GAL3ST1: variants seen among roughly 807,000 people sequenced by gnomAD.
GAL3ST1 encodes the protein galactose-3-O-sulfotransferase 1.
Under a neutral mutation model 25.0 loss-of-function variants are expected in GAL3ST1, and 13 were observed. The ratio of observed to expected loss-of-function variants is 0.52; its 90% CI spans 0.34 to 0.83. The LOEUF is 0.83. Among genes scored for constraint, GAL3ST1 ranks in the 40% least tolerant of loss-of-function variants. The probability of loss-of-function intolerance (pLI) is 0.02; values close to 1 mark genes in which losing one functional copy is unlikely to be tolerated. For synonymous variants in GAL3ST1, 274 were observed against 277.8 expected, an observed-to-expected ratio of 0.99 and a Z score of 0.14; for missense variants, 474 against 613.6, an observed-to-expected ratio of 0.77 and a Z score of 2.40.
chr22:30,568,033 A>G (rs1443165300), intron 1 of GAL3ST1, among the ~76,000 whole-genome samples: 1 of 152,144 alleles, frequency 6.6e-6, no homozygotes, highest in Non-Finnish European at 1.5e-5. Context: ...GGGCACCTGC[A>G]CTCCAGGACT....
chr22:30,574,627 G>GCGCCGCGCC lies in GAL3ST1; in HGVS notation c.-290_-282dup, dbSNP rs1262724741. The GCGCCGCGCC allele has an allele frequency of 7.1e-6, 1 of 141,540 alleles. No individual in the cohort carries two copies. The highest frequency in any genetic ancestry group is 2.6e-5 in the African/African-American group (1 of 38,586). 8.8% of individuals were successfully genotyped at this position (141,540 alleles called of 1,614,324 possible). A position where few individuals can be genotyped will look rare whatever the true frequency, so the allele number is the denominator to read the frequency against. On this transcript the variant is annotated 5_prime_UTR_variant, in exon 1 of 4. Transcript: ENST00000406361. ...CCGCTGCCGCGCCGCGCCCGCTCCC[G>GCGCCGCGCC]CGCCGCGCCCGCTCCCGGCCAGGTG...
At chr22:30,569,677 GGT>G (rs1224275503) in intron 1 of GAL3ST1, among the ~76,000 whole-genome samples, 3 of 152,166 alleles carry the variant, frequency 2.0e-5, no homozygotes, top group African/African-American at 7.2e-5. Flanking sequence ...ACCAGGGAAG[GGT>G]GAGGAAGGAC....
chr22:30,555,444 G>T lies in GAL3ST1; in HGVS notation c.781C>A (p.Leu261Met), dbSNP rs765802548. 1.4e-5 allele frequency: 22 copies of T among 1,612,510 alleles called. No homozygotes were observed. Among genetic ancestry groups the T allele is most frequent in the Non-Finnish European group, 1.7e-5 (20 of 1,179,948 alleles). ...LQEYFDESLV[L>M]LKDLLCWELE... ...TCCCAGCACAGCAGGTCCTTCAGCA[G>T]CACCAGCGACTCGTCGAAGTACTCT... The change falls in exon 4 of 4, where the codon CTG becomes ATG. Residue 261 changes from leucine to methionine, a missense_variant. Coordinates refer to ENST00000406361, the MANE Select transcript of GAL3ST1 (RefSeq NM_001318104.2). The surrounding 1 kb of genome is among the most constrained non-coding windows in gnomAD (Gnocchi z 8.6).
chr22:30,555,207 G>C lies in GAL3ST1; in HGVS notation c.1018C>G (p.Arg340Gly), dbSNP rs1372848132. The C allele has an allele frequency of 2.5e-6, 4 of 1,599,336 alleles. No individual in the cohort carries two copies. The highest frequency in any genetic ancestry group is 1.1e-5 in the South Asian group (1 of 90,764). ...EVAALRHANERMRTICIDGGH... is the reference protein window; with the variant it reads ...EVAALRHANEGMRTICIDGGH... ...CCGTCGATGCAGATGGTCCGCATGC[G>C]CTCGTTGGCATGGCGCAGGGCGGCC... The change falls in exon 4 of 4, where the codon CGC becomes GGC. Residue 340 changes from arginine (R) to glycine (G), a missense_variant. Arg to Gly is a moderately radical substitution (Grantham distance 125). Coordinates refer to ENST00000406361, the MANE Select transcript of GAL3ST1 (RefSeq NM_001318104.2). This position sits in a 1 kb window ranked among gnomAD's most constrained non-coding sequence, Gnocchi z 8.6.
At position 30,554,949 on chromosome 22, in the gene GAL3ST1, G is replaced by T. The variant is rs370603459; in HGVS notation, c.*4C>A. The T allele has an allele frequency of 1.3e-6, 2 of 1,554,470 alleles. No homozygotes were observed. The highest frequency in any genetic ancestry group is 1.8e-5 in the Admixed American group (1 of 56,674). The stretch of plus-strand genomic sequence containing the variant: ...AGGCAGGCAAGCCGCTGGGCGGTGG[G>T]ACGTCACCACCGCAGGAAATCGCGA... On this transcript the variant is annotated 3_prime_UTR_variant, in exon 4 of 4. Transcript: ENST00000406361.
intron 1 of GAL3ST1, chr22:30,564,908 C>G (rs981074963): frequency 1.3e-5 from 2 of 152,266 alleles, no homozygotes; most frequent in African/African-American, 4.8e-5. Flanking sequence ...CACTGGGAGA[C>G]AGGAATGCTC....
At chr22:30,571,316 G>A (rs1792809307) in intron 1 of GAL3ST1, among the ~76,000 whole-genome samples, 1 of 152,164 alleles carries the variant, frequency 6.6e-6, no homozygotes, top group Non-Finnish European at 1.5e-5. Flanking sequence ...TCCTCAATCT[G>A]AGCCCCTCTA....
chr22:30,569,222 CTGGG>C (rs2086710366), intron 1 of GAL3ST1, among the ~76,000 whole-genome samples: 1 of 151,928 alleles, frequency 6.6e-6, no homozygotes, highest in Non-Finnish European at 1.5e-5. Context: ...CATTGGGCTA[CTGGG>C]TAAGAAATGA....
chr22:30,570,340 C>G (rs1282634371), intron 1 of GAL3ST1, among the ~76,000 whole-genome samples: 1 of 152,186 alleles, frequency 6.6e-6, no homozygotes, highest in Non-Finnish European at 1.5e-5. Flanking sequence ...TGCCTGTTCT[C>G]AGACCCAGCA....
In GAL3ST1 at chr22:30,557,263, T is replaced by A. The variant is rs776387935; in HGVS notation, c.130A>T (p.Thr44Ser). 3 of 1,613,920 alleles carry A rather than the reference T, an allele frequency of 1.9e-6. No individual in the cohort carries two copies. In the South Asian group the frequency reaches 3.3e-5, roughly 18 times the overall value. ...VPPLHAGLASTTPEAAASCSP... is the reference protein window; with the variant it reads ...VPPLHAGLASSTPEAAASCSP... ...CATCTGCCCAGCTGGGCCACTCACG[T>A]GGAGGCCAGGCCGGCATGCAGCGGG... The change falls in exon 3 of 4, where the codon ACG becomes TCG. Residue 44 changes from threonine (T) to serine (S), a missense_variant and splice_region_variant. This residue lies in a region of GAL3ST1 where 115 missense variants were observed against 109.2 expected (regional missense o/e 1.05). Transcript: ENST00000406361.
chr22:30,572,069 A>G (rs1174674278), intron 1 of GAL3ST1, among the ~76,000 whole-genome samples: 1 of 151,394 alleles, frequency 6.6e-6, no homozygotes, highest in African/African-American at 2.4e-5. Context: ...TGAGGGGGGG[A>G]TTTGAGTAGC....
At chr22:30,561,132 C>T (rs1399268513) in intron 1 of GAL3ST1, among the ~76,000 whole-genome samples, 6 of 152,126 alleles carry the variant, frequency 3.9e-5, no homozygotes, top group East Asian at 1.9e-4. Context: ...TTAGTAGAGC[C>T]GGGGTTTCAC....
chr22:30,555,321 T>C lies in GAL3ST1; in HGVS notation c.904A>G (p.Met302Val), dbSNP rs763718697. 1 of 1,606,614 alleles carries C rather than the reference T, an allele frequency of 6.2e-7. No homozygotes were observed. The highest frequency in any genetic ancestry group is 2.2e-5 in the East Asian group (1 of 44,806). ...ELYGRATAWN[M>V]LDSHLYRHFN... ...TGGCGGTAGAGGTGGGAGTCCAGCATGTTCCAGGCGGTGGCGCGCCCATAC... is the reference window on the plus strand; with the variant it reads ...TGGCGGTAGAGGTGGGAGTCCAGCACGTTCCAGGCGGTGGCGCGCCCATAC... The change falls in exon 4 of 4, where the codon ATG (methionine) becomes GTG (valine). Residue 302 changes from methionine to valine, a missense_variant. Physicochemically the swap from Met to Val is conservative, Grantham distance 21. Coordinates refer to ENST00000406361, the MANE Select transcript of GAL3ST1 (RefSeq NM_001318104.2). The surrounding 1 kb of genome is among the most constrained non-coding windows in gnomAD (Gnocchi z 8.6).
chr22:30,570,699 T>C (rs546292550), intron 1 of GAL3ST1, among the ~76,000 whole-genome samples: 1 of 151,606 alleles, frequency 6.6e-6, no homozygotes, highest in East Asian at 1.9e-4. Context: ...GGCAGGAGAA[T>C]CACTTGAACC....
intron 1 of GAL3ST1, among the ~76,000 whole-genome samples, chr22:30,564,389 A>T (rs375706677): frequency 2.6e-5 from 4 of 152,346 alleles, no homozygotes; most frequent in African/African-American, 7.2e-5. Flanking sequence ...ACAAAGAGGC[A>T]GGGAGGCTCA....
At chr22:30,561,631 G>A (rs1194241445) in intron 1 of GAL3ST1, among the ~76,000 whole-genome samples, 1 of 152,212 alleles carries the variant, frequency 6.6e-6, no homozygotes, top group Non-Finnish European at 1.5e-5. Context: ...CCTGTCCCAA[G>A]CCCAGGGGAA....
At chr22:30,568,199 C>CAGCAGTAT (rs1051706997) in intron 1 of GAL3ST1, among the ~76,000 whole-genome samples, 126 of 152,344 alleles carry the variant, frequency 8.3e-4, no homozygotes, top group African/African-American at 2.9e-3. Flanking sequence ...GGGGCGGAGA[C>CAGCAGTAT]AGCAGTATCA....
chr22:30,555,829 C>T lies in GAL3ST1; in HGVS notation c.396G>A (p.Gly132=), dbSNP rs1396202252. The stretch of plus-strand genomic sequence containing the variant: ...GGTTGCAGATGATGTTGAAGCAGGC[C>T]CCGGGCCGATAGTCCTGCACCAGGC... ...ARSLVQDYRP[G]ACFNIICNHM... is the part of the protein sequence containing the mutation. The change falls in exon 4 of 4, where the codon GGG becomes GGA. Residue 132 remains glycine (G), a synonymous_variant. Transcript: ENST00000406361. The surrounding 1 kb of genome is among the most constrained non-coding windows in gnomAD (Gnocchi z 8.6). The T allele has an allele frequency of 1.2e-6, 2 of 1,614,148 alleles. No individual in the cohort carries two copies. Among genetic ancestry groups the T allele is most frequent in the South Asian group, 1.1e-5 (1 of 91,080 alleles).
At chr22:30,562,549 A>G (rs2086467707) in intron 1 of GAL3ST1, among the ~76,000 whole-genome samples, 1 of 152,124 alleles carries the variant, frequency 6.6e-6, no homozygotes, top group Non-Finnish European at 1.5e-5. Flanking sequence ...ACTCTGACCC[A>G]GCCTTGGTTC....
Sources: allele counts gnomAD v4.1 joint callset (sites outside exome capture counted in the v4.1 genomes callset), GRCh38; gene constraint gnomAD v4.1.1; regional missense constraint gnomAD v4.1.1; non-coding constraint Gnocchi (gnomAD v3.1); transcripts MANE v1.5; gene names NCBI Gene and HGNC (gene_info 2026-07-23, HGNC 2026-07-21).